ADAMTSL1: variants seen among roughly 807,000 people sequenced by gnomAD.
The protein encoded by ADAMTSL1 is ADAMTS like 1, also known as ADAMTS-like protein 1.
A neutral mutation model predicts 201.8 loss-of-function variants in ADAMTSL1; 126 were observed. The observed-to-expected ratio is 0.62, with a 90% CI of 0.54 to 0.72. The LOEUF (loss-of-function observed/expected upper bound fraction) is 0.72. ADAMTSL1 is among the 30% of genes least tolerant of loss of function. The pLI is 0.00. For missense variants in ADAMTSL1, 2,679 were observed against 2,277.8 expected, an observed-to-expected ratio of 1.18 and a Z score of -3.59; for synonymous variants, 1,121 against 903.4, an observed-to-expected ratio of 1.24 and a Z score of -4.32.
chr9:18,596,877 C>T (rs1288426548), intron 4 of ADAMTSL1, among the ~76,000 whole-genome samples: 1 of 152,178 alleles, frequency 6.6e-6, no homozygotes, highest in Non-Finnish European at 1.5e-5. Context: ...AGGTCCAGCT[C>T]TAGGGTCACT....
At chr9:17,932,950 T>C (rs1432020768) in intron 1 of ADAMTSL1, among the ~76,000 whole-genome samples, 1 of 152,154 alleles carries the variant, frequency 6.6e-6, no homozygotes, top group Non-Finnish European at 1.5e-5. Context: ...TATCTGGATT[T>C]GATCCATCAC....
chr9:18,530,300 A>G (rs991279400), intron 2 of ADAMTSL1, among the ~76,000 whole-genome samples: 5 of 152,172 alleles, frequency 3.3e-5, no homozygotes, highest in African/African-American at 1.2e-4. Context: ...CCTAATTCAG[A>G]TTTGTTTCCA....
intron 2 of ADAMTSL1, among the ~76,000 whole-genome samples, chr9:18,340,416 C>T (rs761047134): frequency 3.9e-5 from 6 of 152,138 alleles, no homozygotes; most frequent in Non-Finnish European, 7.4e-5. Flanking sequence ...CTCTTAATAT[C>T]TCCCAGTTCT....
At chr9:18,334,448 A>T (rs1265652806) in intron 2 of ADAMTSL1, among the ~76,000 whole-genome samples, 1 of 152,208 alleles carries the variant, frequency 6.6e-6, no homozygotes, top group Non-Finnish European at 1.5e-5. Flanking sequence ...CCAGAGAATT[A>T]TGCCTATCCT....
chr9:18,563,643 G>C (rs930874145), intron 3 of ADAMTSL1, among the ~76,000 whole-genome samples: 1 of 152,242 alleles, frequency 6.6e-6, no homozygotes, highest in African/African-American at 2.4e-5. Flanking sequence ...CTCTGTCCCA[G>C]GGAGATGGGA....
chr9:18,804,018 C>G (rs1288505416), intron 20 of ADAMTSL1, among the ~76,000 whole-genome samples: 1 of 152,046 alleles, frequency 6.6e-6, no homozygotes, highest in African/African-American at 2.4e-5. Context: ...GCTTCATTGC[C>G]AAATTTAGAA....
intron 1 of ADAMTSL1, among the ~76,000 whole-genome samples, chr9:18,000,534 C>T (rs1237686884): frequency 6.6e-6 from 1 of 152,018 alleles, no homozygotes; most frequent in Non-Finnish European, 1.5e-5. Context: ...TTCTCTCTGC[C>T]ATAGGGTTCT....
At chr9:18,050,946 T>C (rs1335420540) in intron 1 of ADAMTSL1, among the ~76,000 whole-genome samples, 1 of 152,196 alleles carries the variant, frequency 6.6e-6, no homozygotes, top group East Asian at 1.9e-4. Context: ...CCTGCTACTT[T>C]ACACCAGTGC....
In ADAMTSL1 at chr9:17,938,706, A is replaced by T. The variant is rs57624894; in HGVS notation, c.87+31784A>T. Among the ~76,000 whole-genome samples, 462 of 152,184 alleles carry T rather than the reference A, an allele frequency of 3.0e-3. 1 individual carries two copies. Among genetic ancestry groups the T allele is most frequent in the African/African-American group, 0.011 (442 of 41,544 alleles). On this transcript the variant is annotated intron_variant, in intron 1 of 29. Transcript: ENST00000680146. ...TTCCCAGTCATCTTCCTCCGACAAG[A>T]TCCTTCATTGTTTTCTTGGCTTACC...
intron 1 of ADAMTSL1, among the ~76,000 whole-genome samples, chr9:17,972,735 C>A (rs1208946321): frequency 6.7e-6 from 1 of 149,882 alleles, no homozygotes; most frequent in Non-Finnish European, 1.5e-5. Flanking sequence ...TGAGGAATTG[C>A]CACACTGACT....
At chr9:18,333,932 A>T (rs1704678908) in intron 2 of ADAMTSL1, among the ~76,000 whole-genome samples, 1 of 152,100 alleles carries the variant, frequency 6.6e-6, no homozygotes, top group Admixed American at 6.6e-5. Context: ...GTCTGTCCAG[A>T]TCTTCCATTA....
At chr9:18,898,711 A>G (rs1253078393) in intron 26 of ADAMTSL1, among the ~76,000 whole-genome samples, 2 of 152,236 alleles carry the variant, frequency 1.3e-5, no homozygotes, top group Admixed American at 1.3e-4. Flanking sequence ...AAACACAAGT[A>G]TCTCAATAGA....
At position 18,887,956 on chromosome 9, in the gene ADAMTSL1, C is replaced by G. The variant is rs1232464574; in HGVS notation, c.4375C>G (p.Leu1459Val). The G allele has an allele frequency of 1.2e-6, 2 of 1,613,858 alleles. No individual in the cohort carries two copies. The highest frequency in any genetic ancestry group is 1.1e-5 in the South Asian group (1 of 91,068). ...AAGQILQVANLSGGSQGEFSC... is the reference protein window; with the variant it reads ...AAGQILQVANVSGGSQGEFSC... ...TGGACAGATCCTTCAAGTTGCAAAC[C>G]TTAGCGGTGGGTCTCAAGGGGAATT... is the stretch of plus-strand genomic sequence containing the variant. The change falls in exon 24 of 29, where the codon CTT becomes GTT. Residue 1459 changes from leucine to valine, a missense_variant. Transcript: ENST00000380548.
chr9:18,216,850 A>C (rs929171155), intron 2 of ADAMTSL1, among the ~76,000 whole-genome samples: 6 of 152,100 alleles, frequency 3.9e-5, no homozygotes, highest in Non-Finnish European at 7.4e-5. Flanking sequence ...GTTGAGAGCA[A>C]AAACGCTGGA....
chr9:18,283,547 A>G (rs1471343001), intron 2 of ADAMTSL1, among the ~76,000 whole-genome samples: 3 of 143,666 alleles, frequency 2.1e-5, no homozygotes, highest in Non-Finnish European at 3.0e-5. Flanking sequence ...TTGAGGCTGC[A>G]GTGAGCCATG....
chr9:18,467,951 G>A (rs1821069163), intron 2 of ADAMTSL1, among the ~76,000 whole-genome samples: 1 of 152,134 alleles, frequency 6.6e-6, no homozygotes, highest in African/African-American at 2.4e-5. Flanking sequence ...TATCTGTGGA[G>A]GATGATGTCA....
chr9:18,541,156 GCT>G (rs1770201203), intron 3 of ADAMTSL1, among the ~76,000 whole-genome samples: 2 of 152,166 alleles, frequency 1.3e-5, no homozygotes, highest in African/African-American at 4.8e-5. Flanking sequence ...TTGGGAGCAG[GCT>G]CTCCTATCTT....
intron 2 of ADAMTSL1, among the ~76,000 whole-genome samples, chr9:18,260,504 C>G (rs985217944): frequency 3.5e-4 from 53 of 152,360 alleles, no homozygotes; most frequent in African/African-American, 1.2e-3. Context: ...CTACCTGGGC[C>G]TAGGATCCTC....
chr9:18,524,913 G>A (rs1405644476), intron 2 of ADAMTSL1, among the ~76,000 whole-genome samples: 1 of 152,124 alleles, frequency 6.6e-6, no homozygotes, highest in Non-Finnish European at 1.5e-5. Context: ...TCTTTTTGTT[G>A]TGTCTGTGCC....
Sources: allele counts gnomAD v4.1 joint callset (sites outside exome capture counted in the v4.1 genomes callset), GRCh38; gene constraint gnomAD v4.1.1; transcripts MANE v1.5; gene names NCBI Gene and HGNC (gene_info 2026-07-23, HGNC 2026-07-21).